Variants in SNTB1 observed in about 807,000 individuals in gnomAD.
SNTB1 encodes syntrophin beta 1.
Under a neutral mutation model 48.9 loss-of-function variants are expected in SNTB1, and 36 were observed. The observed-to-expected ratio is 0.74, with a 90% CI of 0.56 to 0.97. The LOEUF (loss-of-function observed/expected upper bound fraction) is 0.97. SNTB1 is among the 50% of genes least tolerant of loss of function. The pLI is 0.00. For synonymous variants in SNTB1, 299 were observed against 294.6 expected (o/e 1.01, Z -0.15); for missense variants, 786 against 703.4 (o/e 1.12, Z -1.33).
intron 1 of SNTB1, among the ~76,000 whole-genome samples, chr8:120,748,166 G>C (rs976259350): frequency 6.6e-6 from 1 of 152,080 alleles, no homozygotes; most frequent in Admixed American, 6.6e-5. Flanking sequence ...AAATTAGTTT[G>C]ACTCTACTCA....
rs544815743 is a variant in SNTB1, at chr8:120,644,904, T to C, written c.789-12253A>G. On this transcript the variant is annotated intron_variant, in intron 2 of 6. Transcript: ENST00000517992. Reference sequence around the variant, plus strand: ...ACTGTTGTTTTGATTTGCATTTCTCTGATGGCCAGTGATGATGAGCATTTT... The same window carrying C: ...ACTGTTGTTTTGATTTGCATTTCTCCGATGGCCAGTGATGATGAGCATTTT... Among the ~76,000 whole-genome samples the C allele has an allele frequency of 3.9e-5, 6 of 152,326 alleles. No individual in the cohort carries two copies. In the East Asian group the frequency reaches 1.2e-3, roughly 29 times the overall value.
rs576224082 is a variant in SNTB1, at chr8:120,624,212, A to G, written c.996+8232T>C. 2.6e-5 allele frequency among the ~76,000 whole-genome samples: 4 copies of G among 152,282 alleles called. No homozygotes were observed. In the East Asian group the frequency reaches 7.7e-4, roughly 29 times the overall value. On this transcript the variant is annotated intron_variant, in intron 3 of 6. Transcript: ENST00000517992. ...CTCAGCCTCCCAACATGCTGGGATT[A>G]CAGGCATGAACCACCGCACCTGCCC...
At chr8:120,755,169 T>A (rs760306887) in intron 1 of SNTB1, among the ~76,000 whole-genome samples, 1,270 of 119,860 alleles carry the variant, frequency 0.011, 8 homozygotes, top group Non-Finnish European at 0.017. Flanking sequence ...TGTGTGTGTG[T>A]GTGAGAGAGA....
intron 2 of SNTB1, among the ~76,000 whole-genome samples, chr8:120,650,928 C>A (rs1817402345): frequency 6.6e-6 from 1 of 152,146 alleles, no homozygotes; most frequent in South Asian, 2.1e-4. Context: ...GGCTTTATGA[C>A]TTATTGGCTG....
At chr8:120,583,173 T>C (rs577916520) in intron 3 of SNTB1, among the ~76,000 whole-genome samples, 102 of 152,100 alleles carry the variant, frequency 6.7e-4, no homozygotes, top group African/African-American at 1.9e-3. Context: ...GACAAATTCA[T>C]TGAAAGACAA....
At chr8:120,789,242 G>C (rs1211926293) in intron 1 of SNTB1, among the ~76,000 whole-genome samples, 1 of 151,638 alleles carries the variant, frequency 6.6e-6, no homozygotes, top group South Asian at 2.1e-4. Context: ...ATAGCAAAAG[G>C]CGTGCTAAGA....
chr8:120,542,480 C>A (rs1586985377), intron 5 of SNTB1, among the ~76,000 whole-genome samples: 1 of 152,202 alleles, frequency 6.6e-6, no homozygotes, highest in African/African-American at 2.4e-5. Context: ...ATGGTGCAAC[C>A]CCATCTCTAC....
At chr8:120,769,237 T>G (rs886180578) in intron 1 of SNTB1, 6 of 152,212 alleles carry the variant, frequency 3.9e-5, no homozygotes, top group African/African-American at 1.4e-4. Flanking sequence ...AGTTGATTAT[T>G]TTGATCATCA....
At chr8:120,731,358 C>T (rs929655416) in intron 1 of SNTB1, among the ~76,000 whole-genome samples, 13 of 152,206 alleles carry the variant, frequency 8.5e-5, no homozygotes, top group African/African-American at 2.9e-4. Context: ...ATACAGGAAA[C>T]ACACGTGTTC....
intron 1 of SNTB1, among the ~76,000 whole-genome samples, chr8:120,741,452 T>C (rs1196869613): frequency 6.6e-6 from 1 of 152,112 alleles, no homozygotes; most frequent in East Asian, 1.9e-4. Context: ...CTACTAAAAA[T>C]ACAAAAATTA....
chr8:120,757,036 T>A (rs1225433039), intron 1 of SNTB1, among the ~76,000 whole-genome samples: 2 of 152,202 alleles, frequency 1.3e-5, no homozygotes, highest in African/African-American at 4.8e-5. Context: ...GATATAAGAA[T>A]AATAATGACA....
intron 3 of SNTB1, among the ~76,000 whole-genome samples, chr8:120,617,546 G>A (rs1394810963): frequency 6.6e-6 from 1 of 152,226 alleles, no homozygotes; most frequent in Non-Finnish European, 1.5e-5. Flanking sequence ...TGCTAAGGTA[G>A]AATAGAACAC....
In SNTB1 at chr8:120,542,087, G is replaced by A. The variant is rs907819000; in HGVS notation, c.1334-87C>T. 1.9e-5 allele frequency: 18 copies of A among 929,260 alleles called. No homozygotes were observed. The South Asian group carries it at 2.6e-4, about 14-fold the overall frequency. The allele number at this position is 929,260 out of a possible 1,614,324, so 57.6% of individuals were successfully genotyped here. A position where few individuals can be genotyped will look rare whatever the true frequency, so the allele number is the denominator to read the frequency against. On this transcript the variant is annotated intron_variant, in intron 5 of 6. Coordinates refer to ENST00000517992, the MANE Select transcript of SNTB1 (RefSeq NM_021021.4). ...CAATCACTCACTTCTTGCCTCCTCA[G>A]TCCCAGCGATCAGCTACGAATTTCT...
intron 5 of SNTB1, among the ~76,000 whole-genome samples, chr8:120,545,062 G>C (rs887854313): frequency 1.3e-5 from 2 of 152,138 alleles, no homozygotes; most frequent in African/African-American, 4.8e-5. Context: ...TACTGGGTGG[G>C]ACCAGATGCA....
chr8:120,683,117 G>A (rs1250346719), intron 2 of SNTB1, among the ~76,000 whole-genome samples: 2 of 152,004 alleles, frequency 1.3e-5, no homozygotes, highest in African/African-American at 2.4e-5. Flanking sequence ...TCCTGACCTC[G>A]TGATCCACCC....
intron 2 of SNTB1, among the ~76,000 whole-genome samples, chr8:120,650,965 TC>T (rs2129715278): frequency 6.6e-6 from 1 of 152,306 alleles, no homozygotes; most frequent in South Asian, 2.1e-4. Context: ...TTACTTAAAC[TC>T]CCTAAGCCTC....
At chr8:120,754,444 A>C (rs2130043801) in intron 1 of SNTB1, among the ~76,000 whole-genome samples, 1 of 152,234 alleles carries the variant, frequency 6.6e-6, no homozygotes, top group Middle Eastern at 3.4e-3. Flanking sequence ...TGATTGTGCC[A>C]CTGCACTCCA....
chr8:120,618,842 A>G (rs1816753552), intron 3 of SNTB1, among the ~76,000 whole-genome samples: 1 of 152,192 alleles, frequency 6.6e-6, no homozygotes, highest in African/African-American at 2.4e-5. Flanking sequence ...GAAAATCTAG[A>G]GCTGGGAGAA....
intron 2 of SNTB1, among the ~76,000 whole-genome samples, chr8:120,661,794 A>G (rs551272753): frequency 6.6e-5 from 10 of 152,324 alleles, no homozygotes; most frequent in African/African-American, 2.2e-4. Flanking sequence ...GATGGCTTCC[A>G]GCTTCATCCA....
Sources: gnomAD v4.1 joint callset for allele counts (sites outside exome capture counted in the v4.1 genomes callset) on GRCh38, gnomAD v4.1.1 for gene constraint, MANE v1.5 for transcripts, NCBI Gene and HGNC (gene_info 2026-07-23, HGNC 2026-07-21) for gene names.